CHD2: variants seen among roughly 807,000 people sequenced by gnomAD.
CHD2 encodes the protein chromodomain helicase DNA binding protein 2, also known as ATP-dependent chromatin remodeler CHD2.
CHD2 carries 28 observed loss-of-function variants against 243.9 expected under a neutral mutation model. The ratio of observed to expected loss-of-function variants is 0.11; its 90% CI spans 0.09 to 0.16. The LOEUF (loss-of-function observed/expected upper bound fraction) is 0.16, where lower values mean the gene tolerates loss of function less well. Among genes scored for constraint, CHD2 ranks in the 10% least tolerant of loss-of-function variants. The pLI, the probability that CHD2 is intolerant of heterozygous loss-of-function variation, is 1.00. For missense variants in CHD2, 1,386 were observed against 2,209.8 expected, an observed-to-expected ratio of 0.63 and a Z score of 7.47; for synonymous variants, 775 against 779.0, an observed-to-expected ratio of 0.99 and a Z score of 0.09.
At chr15:92,965,545 C>G (rs2053747479) in intron 16 of CHD2, among the ~76,000 whole-genome samples, 1 of 133,270 alleles carries the variant, frequency 7.5e-6, no homozygotes, top group African/African-American at 3.1e-5. Context: ...GCCTGGGCGA[C>G]AGAGCCGAGA....
At chr15:93,000,054 T>G (rs1225167457) in intron 31 of CHD2, among the ~76,000 whole-genome samples, 1 of 152,056 alleles carries the variant, frequency 6.6e-6, no homozygotes. Context: ...AAGTCAGGAG[T>G]TCGAGACCAG....
At chr15:92,947,971 T>A (rs1448094718) in intron 12 of CHD2, among the ~76,000 whole-genome samples, 1 of 152,214 alleles carries the variant, frequency 6.6e-6, no homozygotes, top group Admixed American at 6.5e-5. Flanking sequence ...CTGAATGAAT[T>A]TCTCCTGTAA....
At chr15:92,968,269 C>G (rs1356523584) in intron 17 of CHD2, among the ~76,000 whole-genome samples, 2 of 152,170 alleles carry the variant, frequency 1.3e-5, no homozygotes, top group African/African-American at 4.8e-5. Flanking sequence ...CGCCTATAAT[C>G]CCAGCACTTT....
At chr15:93,022,986 C>T (rs2054551212) in intron 38 of CHD2, among the ~76,000 whole-genome samples, 1 of 152,214 alleles carries the variant, frequency 6.6e-6, no homozygotes, top group African/African-American at 2.4e-5. Flanking sequence ...TTGACTGGAA[C>T]TTGAGATTGC....
chr15:92,975,403 G>T (rs977779557), intron 20 of CHD2, among the ~76,000 whole-genome samples: 1 of 152,226 alleles, frequency 6.6e-6, no homozygotes, highest in Non-Finnish European at 1.5e-5. Flanking sequence ...TACAATCAGT[G>T]TCGAGCTTGG....
intron 2 of CHD2, among the ~76,000 whole-genome samples, chr15:92,915,942 C>T (rs1365537387): frequency 6.6e-6 from 1 of 152,184 alleles, no homozygotes; most frequent in Admixed American, 6.5e-5. Flanking sequence ...AAGACAAATG[C>T]GTATCTGATT....
chr15:92,993,974 A>AAT (rs1411487739), intron 28 of CHD2, among the ~76,000 whole-genome samples: 4 of 152,202 alleles, frequency 2.6e-5, no homozygotes. Flanking sequence ...CCTGTCTCAA[A>AAT]ATATAAATAA....
At chr15:92,902,268 A>T in intron 2 of CHD2, 1 of 397,718 alleles carries the variant, frequency 2.5e-6, no homozygotes, top group Non-Finnish European at 4.4e-6. Flanking sequence ...CTTGTTAGTG[A>T]TGAAGTAATA....
chr15:92,921,411 G>C (rs2052952609), intron 2 of CHD2: 1 of 152,192 alleles, frequency 6.6e-6, no homozygotes. Flanking sequence ...ATGCCTGGGA[G>C]GTGAACAAGC....
chr15:93,016,115 A>AT, intron 37 of CHD2, among the ~76,000 whole-genome samples: 1 of 152,380 alleles, frequency 6.6e-6, no homozygotes, highest in Non-Finnish European at 1.5e-5. Context: ...CTAAGTGCCC[A>AT]TCAGCAGGTG....
intron 34 of CHD2, among the ~76,000 whole-genome samples, chr15:93,005,395 G>T (rs550049571): frequency 6.6e-6 from 1 of 152,190 alleles, no homozygotes; most frequent in African/African-American, 2.4e-5. Context: ...ATACAGGCCA[G>T]TGTGTCCTCA....
chr15:92,998,347 C>A lies in CHD2; in HGVS notation c.3886-152C>A. 7.3e-7 allele frequency: 1 copy of A among 1,378,524 alleles called. No individual in the cohort carries two copies. Among genetic ancestry groups the A allele is most frequent in the South Asian group, 1.5e-5 (1 of 65,404 alleles). The allele number at this position is 1,378,524 out of a possible 1,614,324, so 85.4% of individuals were successfully genotyped here. On this transcript the variant is annotated intron_variant, in intron 30 of 38. Transcript: ENST00000394196. The surrounding 1 kb of genome is among the most constrained non-coding windows in gnomAD (Gnocchi z 5.1). ...TGAGGGATTTTCAGTGACTGGGAGC[C>A]ATGGACATGAGATAGGATCTGAGGC... is the stretch of plus-strand genomic sequence containing the variant.
At chr15:92,946,244 T>C (rs763415810) in intron 12 of CHD2, 28 bp downstream of exon 12, 1 of 1,578,470 alleles carries the variant, frequency 6.3e-7, no homozygotes, top group South Asian at 1.1e-5. Context: ...TTTTGTTTTT[T>C]CAGGGAGAAG....
intron 20 of CHD2, among the ~76,000 whole-genome samples, chr15:92,977,503 C>G (rs1164619909): frequency 2.6e-5 from 4 of 152,114 alleles, no homozygotes; most frequent in Non-Finnish European, 5.9e-5. Context: ...AATATTTCAC[C>G]TTTTCCCCCC....
chr15:92,915,958 C>G (rs1165715250), intron 2 of CHD2, among the ~76,000 whole-genome samples: 2 of 152,224 alleles, frequency 1.3e-5, no homozygotes, highest in African/African-American at 4.8e-5. Flanking sequence ...TGATTGCTTC[C>G]TCTGCCCTGT....
chr15:92,965,930 C>T (rs2141828568), intron 16 of CHD2, among the ~76,000 whole-genome samples: 1 of 152,194 alleles, frequency 6.6e-6, no homozygotes, highest in South Asian at 2.1e-4. Context: ...GAAATTGTCT[C>T]TCAGGTATTC....
At chr15:92,994,739 A>C (rs1169381630) in intron 28 of CHD2, among the ~76,000 whole-genome samples, 1 of 152,240 alleles carries the variant, frequency 6.6e-6, no homozygotes, top group Non-Finnish European at 1.5e-5. Context: ...GTAGTACAGC[A>C]TGCACACTTT....
chr15:92,953,458 C>T lies in CHD2; in HGVS notation c.1604C>T (p.Pro535Leu). ...TTCCACCAACACCAGCTGTATGGCC[C>T]CTTTCTTATAGTCGTCCCTTTATCC... ...YLFHQHQLYGPFLIVVPLSTL... is the reference protein window; with the variant it reads ...YLFHQHQLYGLFLIVVPLSTL... Residue 535 changes from proline to leucine, a missense_variant, in exon 14 of 39, where the codon CCC (proline) becomes CTC (leucine). By Grantham distance (98) the Pro-to-Leu change is moderately conservative. Coordinates refer to ENST00000394196, the MANE Select transcript of CHD2 (RefSeq NM_001271.4). 1 of 1,614,100 alleles carries T rather than the reference C, an allele frequency of 6.2e-7. No homozygotes were observed. The highest frequency in any genetic ancestry group is 8.5e-7 in the Non-Finnish European group (1 of 1,180,018).
Position 93,027,494 on chromosome 15 carries a change from T to C in CHD2, c.*2789T>C, listed in dbSNP as rs2054595473. 1 of 152,316 alleles carries C rather than the reference T, an allele frequency of 6.6e-6. No individual in the cohort carries two copies. The highest frequency in any genetic ancestry group is 2.4e-5 in the African/African-American group (1 of 41,454). 9.4% of individuals were successfully genotyped at this position (152,316 alleles called of 1,614,324 possible). A position where few individuals can be genotyped will look rare whatever the true frequency, so the allele number is the denominator to read the frequency against. ...CGGGGCTCACTCTCCTTTCAGTCATTCCTCAGCCCTTCGAAGGGAAGCCCA... is the reference window on the plus strand; with the variant it reads ...CGGGGCTCACTCTCCTTTCAGTCATCCCTCAGCCCTTCGAAGGGAAGCCCA... On this transcript the variant is annotated 3_prime_UTR_variant, in exon 39 of 39. Transcript: ENST00000394196.
Sources: allele counts gnomAD v4.1 joint callset (sites outside exome capture counted in the v4.1 genomes callset), GRCh38; gene constraint gnomAD v4.1.1; non-coding constraint Gnocchi (gnomAD v3.1); transcripts MANE v1.5; gene names NCBI Gene and HGNC (gene_info 2026-07-23, HGNC 2026-07-21).